The following SYNE4 variants were observed in gnomAD, a reference collection of about 807,000 sequenced individuals.
The protein encoded by SYNE4 is nesprin-4.
A neutral mutation model predicts 46.9 loss-of-function variants in SYNE4; 41 were observed. The ratio of observed to expected loss-of-function variants is 0.87; its 90% confidence interval spans 0.68 to 1.13. SYNE4 has a LOEUF of 1.13. Ranked by LOEUF, SYNE4 falls within the 50% of genes most tolerant of loss-of-function variation. The probability of loss-of-function intolerance (pLI) is 0.00; values close to 1 mark genes in which losing one functional copy is unlikely to be tolerated. For missense variants in SYNE4, 492 were observed against 514.8 expected (o/e 0.96, Z 0.43); for synonymous variants, 221 against 219.5 (o/e 1.01, Z -0.06).
At chr19:36,005,699 T>C (rs1228387363) in intron 5 of SYNE4, 1 of 421,228 alleles carries the variant, frequency 2.4e-6, no homozygotes, top group Non-Finnish European at 4.4e-6. Context: ...GGAGCTTATA[T>C]TTGACAGGAG....
At position 36,006,875 on chromosome 19, in the gene SYNE4, C is replaced by G; in HGVS notation, c.493G>C (p.Ala165Pro). ...CAGGCCCTGGGCTCACTCCGCTGTG[C>G]CAGCCCCTCACCAAACGCTAGCAGC... ...EALLAFGEGL[A>P]QRSEPRAWAA... The change falls in exon 4 of 8, where the codon GCA (alanine) becomes CCA (proline). Residue 165 changes from alanine (A) to proline (P), a missense_variant. Physicochemically the swap from Ala to Pro is conservative, Grantham distance 27. Coordinates refer to ENST00000324444, the MANE Select transcript of SYNE4 (RefSeq NM_001039876.3). 6.4e-7 allele frequency: 1 copy of G among 1,571,626 alleles called. No individual in the cohort carries two copies. Among genetic ancestry groups the G allele is most frequent in the Non-Finnish European group, 8.6e-7 (1 of 1,159,394 alleles).
intron 5 of SYNE4, 166 bp from the exon 6 acceptor site, chr19:36,005,603 G>T (rs966428665): frequency 1.6e-6 from 1 of 633,348 alleles, no homozygotes. Flanking sequence ...CAATAAATGT[G>T]TAATGAGTTT....
At position 36,007,370 on chromosome 19, in the gene SYNE4, T is replaced by C. The variant is rs146107599; in HGVS notation, c.280-102A>G. On this transcript the variant is annotated intron_variant, in intron 2 of 7. Coordinates refer to ENST00000324444, the MANE Select transcript of SYNE4 (RefSeq NM_001039876.3). ...CTGTAAGCTTCTGGAAACTTCTCTG[T>C]GGCACAGTCCATCTCCGGGTCTGTC... 142 of 1,456,098 alleles carry C rather than the reference T, an allele frequency of 9.8e-5. No individual in the cohort carries two copies. In the African/African-American group the frequency reaches 1.8e-3, roughly 19 times the overall value. 90.2% of individuals were successfully genotyped at this position (1,456,098 alleles called of 1,614,324 possible).
At position 36,004,648 on chromosome 19, in the gene SYNE4, A is replaced by C. The variant is rs546332350; in HGVS notation, c.972+685T>G. 1.4e-3 allele frequency among the ~76,000 whole-genome samples: 212 copies of C among 152,248 alleles called. 1 individual carries two copies. The highest frequency in any genetic ancestry group is 5.0e-3 in the African/African-American group (209 of 41,560). On this transcript the variant is annotated intron_variant, in intron 6 of 7. Transcript: ENST00000324444. Reference sequence around the variant, plus strand: ...CAATCTGAGCACTCTGGTTTATTCAAGGTGCAGCCCATGACCCCATCCGGT... The same window carrying C: ...CAATCTGAGCACTCTGGTTTATTCACGGTGCAGCCCATGACCCCATCCGGT...
chr19:36,004,177 T>G (rs77328940), intron 6 of SYNE4, among the ~76,000 whole-genome samples: 3,553 of 152,192 alleles, frequency 0.023, 119 homozygotes, highest in African/African-American at 0.08. Flanking sequence ...ACCATTTACT[T>G]TTGTTTAATG....
Position 36,008,350 on chromosome 19 carries a change from G to C in SYNE4, c.146C>G (p.Thr49Ser). ...EESTSPEQAQ[T>S]LGQDSLGPPE... Reference sequence around the variant, plus strand: ...AGGGCCCAAGGAGTCCTGTCCCAGGGTCTGGGCCTGCTCTGGGCTAGGAGG... The same window carrying C: ...AGGGCCCAAGGAGTCCTGTCCCAGGCTCTGGGCCTGCTCTGGGCTAGGAGG... The change falls in exon 2 of 8, where the codon ACC (threonine) becomes AGC (serine). Residue 49 changes from threonine to serine, a missense_variant. Physicochemically the swap from Thr to Ser is moderately conservative, Grantham distance 58 (BLOSUM62 1). Coordinates refer to ENST00000324444, the MANE Select transcript of SYNE4 (RefSeq NM_001039876.3). 6.4e-7 allele frequency: 1 copy of C among 1,561,578 alleles called. No homozygotes were observed. Among genetic ancestry groups the C allele is most frequent in the South Asian group, 1.2e-5 (1 of 82,894 alleles).
rs199619260 is a variant in SYNE4, at chr19:36,008,246, C to T, written c.250G>A (p.Glu84Lys). Reference sequence around the variant, plus strand: ...CAGTGTTTGCCCCCAGCTGGGTCCTCGTAGGAAGAGGGTGTTGACCATCTC... The same window carrying T: ...CAGTGTTTGCCCCCAGCTGGGTCCTTGTAGGAAGAGGGTGTTGACCATCTC... Reference protein sequence around the residue: ...PPRWSTPSSYEDPAGGKHCEH... With the variant: ...PPRWSTPSSYKDPAGGKHCEH... Residue 84 changes from glutamate (E) to lysine (K), a missense_variant, in exon 2 of 8, where the codon GAG becomes AAG. Glu to Lys is a moderately conservative substitution (Grantham distance 56). Transcript: ENST00000324444. 223 of 1,610,934 alleles carry T rather than the reference C, an allele frequency of 1.4e-4. 1 individual carries two copies. The highest frequency in any genetic ancestry group is 1.8e-4 in the Non-Finnish European group (213 of 1,178,422).
At position 36,005,328 on chromosome 19, in the gene SYNE4, C is replaced by T. The variant is rs369269989; in HGVS notation, c.972+5G>A. 1.7e-5 allele frequency: 27 copies of T among 1,613,798 alleles called. No homozygotes were observed. Among genetic ancestry groups the T allele is most frequent in the Non-Finnish European group, 2.1e-5 (25 of 1,179,952 alleles). ...AGTGCTACACCTGGTTGAGAACTGG[C>T]TCACCTGAGGCTTCCGGAGCAGGGA... On this transcript the variant is annotated splice_donor_5th_base_variant and intron_variant, in intron 6 of 7. Transcript: ENST00000324444.
chr19:36,005,738 G>C, intron 5 of SYNE4: 1 of 301,138 alleles, frequency 3.3e-6, no homozygotes, highest in East Asian at 7.0e-5. Flanking sequence ...AGTAAATGAG[G>C]CCTGGTACAG....
intron 6 of SYNE4, among the ~76,000 whole-genome samples, chr19:36,004,890 T>G (rs1306972289): frequency 1.3e-3 from 185 of 139,714 alleles, no homozygotes; most frequent in African/African-American, 5.1e-3. Flanking sequence ...TTTTTTTTTT[T>G]TTGTTGAGAT....
In SYNE4 at chr19:36,007,151, C is replaced by T. The variant is rs1371595655; in HGVS notation, c.397G>A (p.Ala133Thr). ...LEQGLGHWAL[A>T]QSGMVQLQAL... Reference sequence around the variant, plus strand: ...TGCAGCTGCACCATCCCACTCTGGGCCAATGCCCAGTGCCCCAGGCCTTGC... The same window carrying T: ...TGCAGCTGCACCATCCCACTCTGGGTCAATGCCCAGTGCCCCAGGCCTTGC... Residue 133 changes from alanine to threonine, a missense_variant, in exon 3 of 8, where the codon GCC becomes ACC. Coordinates refer to ENST00000324444, the MANE Select transcript of SYNE4 (RefSeq NM_001039876.3). 3 of 1,596,270 alleles carry T rather than the reference C, an allele frequency of 1.9e-6. No homozygotes were observed. Among genetic ancestry groups the T allele is most frequent in the Non-Finnish European group, 2.6e-6 (3 of 1,172,016 alleles).
Position 36,006,425 on chromosome 19 carries a change from C to T in SYNE4, c.865G>A (p.Glu289Lys). 1 of 1,607,798 alleles carries T rather than the reference C, an allele frequency of 6.2e-7. No individual in the cohort carries two copies. The highest frequency in any genetic ancestry group is 8.5e-7 in the Non-Finnish European group (1 of 1,177,516). The part of the protein sequence containing the change: ...RGPQGRGQGL[E>K]EADTSHSRQD... ...CCCTCAAGGGGGTCTGCTCTCACCT[C>T]AAGGCCTTGTCCCCTGCCCTGGGGC... Residue 289 changes from glutamate to lysine, a missense_variant and splice_region_variant, in exon 5 of 8, where the codon GAG becomes AAG. Coordinates refer to ENST00000324444, the MANE Select transcript of SYNE4 (RefSeq NM_001039876.3).
intron 6 of SYNE4, among the ~76,000 whole-genome samples, chr19:36,004,866 CTTTTTTT>C (rs59700541): frequency 4.6e-4 from 41 of 89,900 alleles, no homozygotes; most frequent in East Asian, 1.0e-3. Context: ...TTCTTTCTTT[CTTTTTTT>C]TTTTTTTTTT....
rs373201690 is a variant in SYNE4 at position 36,004,312 on chromosome 19, G to A, written c.973-641C>T. Among the ~76,000 whole-genome samples, 185 of 152,230 alleles carry A rather than the reference G, an allele frequency of 1.2e-3. 1 individual carries two copies. The highest frequency in any genetic ancestry group is 2.9e-3 in the African/African-American group (119 of 41,522). On this transcript the variant is annotated intron_variant, in intron 6 of 7. Transcript: ENST00000324444. ...TGTTGGGATCACAGGCGTGAACCACGGTGCCCAGCCACAAGTGACACTTTG... is the reference window on the plus strand; with the variant it reads ...TGTTGGGATCACAGGCGTGAACCACAGTGCCCAGCCACAAGTGACACTTTG...
rs1435866032 is a variant in SYNE4 at position 36,007,119 on chromosome 19, G to A, written c.423+6C>T. The A allele has an allele frequency of 6.3e-7, 1 of 1,597,276 alleles. No homozygotes were observed. The highest frequency in any genetic ancestry group is 1.7e-5 in the Admixed American group (1 of 58,298). Reference sequence around the variant, plus strand: ...CCACCCCCACATCCTGGCCTCTCCTGCCTACCTGCAGCTGCACCATCCCAC... The same window carrying A: ...CCACCCCCACATCCTGGCCTCTCCTACCTACCTGCAGCTGCACCATCCCAC... On this transcript the variant is annotated splice_donor_region_variant and intron_variant, in intron 3 of 7. Coordinates refer to ENST00000324444, the MANE Select transcript of SYNE4 (RefSeq NM_001039876.3).
At chr19:36,006,234 G>A in intron 5 of SYNE4, 189 bp downstream of exon 5, 1 of 797,710 alleles carries the variant, frequency 1.3e-6, no homozygotes. Flanking sequence ...TTGAGATGGG[G>A]CTTGAGGATG....
At position 36,008,377 on chromosome 19, in the gene SYNE4, AG is replaced by A. The variant is rs1411395807; in HGVS notation, c.129-11del. On this transcript the variant is annotated splice_polypyrimidine_tract_variant and intron_variant, in intron 1 of 7. Coordinates refer to ENST00000324444, the MANE Select transcript of SYNE4 (RefSeq NM_001039876.3). Reference sequence around the variant, plus strand: ...CTGGGCCTGCTCTGGGCTAGGAGGCAGGGGGCGGTGACTGGGTGAGTCTCGA... The same window carrying A: ...CTGGGCCTGCTCTGGGCTAGGAGGCAGGGGCGGTGACTGGGTGAGTCTCGA... The A allele has an allele frequency of 1.9e-6, 3 of 1,557,774 alleles. No homozygotes were observed. In the Admixed American group the frequency reaches 5.4e-5, roughly 28 times the overall value.
chr19:36,008,383 C>T lies in SYNE4; in HGVS notation c.129-16G>A, dbSNP rs368779045. 449 of 1,557,016 alleles carry T rather than the reference C, an allele frequency of 2.9e-4. No individual in the cohort carries two copies. The Middle Eastern group carries it at 3.9e-3, about 14-fold the overall frequency. ...CTGCTCTGGGCTAGGAGGCAGGGGGCGGTGACTGGGTGAGTCTCGACACCT... is the reference window on the plus strand; with the variant it reads ...CTGCTCTGGGCTAGGAGGCAGGGGGTGGTGACTGGGTGAGTCTCGACACCT... On this transcript the variant is annotated splice_polypyrimidine_tract_variant and intron_variant, in intron 1 of 7. Coordinates refer to ENST00000324444, the MANE Select transcript of SYNE4 (RefSeq NM_001039876.3).
At chr19:36,005,643 C>CT (rs1976823705) in intron 5 of SYNE4, 1 of 549,574 alleles carries the variant, frequency 1.8e-6, no homozygotes, top group Admixed American at 3.1e-5. Flanking sequence ...GTTCTAGGAG[C>CT]TGAGGACACA....
Sources: gnomAD v4.1 joint callset for allele counts (sites outside exome capture counted in the v4.1 genomes callset) on GRCh38, gnomAD v4.1.1 for gene constraint, MANE v1.5 for transcripts, NCBI Gene and HGNC (gene_info 2026-07-23, HGNC 2026-07-21) for gene names.